The following LRRC4C variants were observed in gnomAD, a reference collection of about 807,000 sequenced individuals.
LRRC4C encodes leucine-rich repeat-containing protein 4C.
In LRRC4C, 5 loss-of-function variants were observed where a neutral mutation model predicts 33.6. That is an observed-to-expected ratio of 0.15 (90% CI 0.08 to 0.31). LRRC4C has a LOEUF of 0.31. LRRC4C is among the 10% of genes least tolerant of loss of function. The probability of loss-of-function intolerance (pLI) is 1.00; values close to 1 mark genes in which losing one functional copy is unlikely to be tolerated. For missense variants in LRRC4C, 560 were observed against 796.7 expected (o/e 0.70, Z 3.58); for synonymous variants, 329 against 302.0 (o/e 1.09, Z -0.93).
At chr11:40,280,936 C>A (rs1231859582) in intron 4 of LRRC4C, among the ~76,000 whole-genome samples, 4 of 151,934 alleles carry the variant, frequency 2.6e-5, no homozygotes, top group African/African-American at 9.7e-5. Context: ...TAAAAGCGAC[C>A]TTTTGGAGTT....
chr11:40,845,423 A>G (rs761963143), intron 2 of LRRC4C, among the ~76,000 whole-genome samples: 1 of 152,080 alleles, frequency 6.6e-6, no homozygotes, highest in Non-Finnish European at 1.5e-5. Flanking sequence ...AGAACTTCCA[A>G]TGCGGAGGTT....
Position 40,458,469 on chromosome 11 carries a change from A to G in LRRC4C, c.-269-138748T>C, listed in dbSNP as rs796247206. Among the ~76,000 whole-genome samples the G allele has an allele frequency of 5.1e-4, 77 of 152,278 alleles. 1 individual carries two copies. The highest frequency in any genetic ancestry group is 1.8e-3 in the African/African-American group (73 of 41,550). ...CTCTTAAATCTGTCTTTCAAACATCATAAAATACTAATTCTTGTATTCTTG... is the reference window on the plus strand; with the variant it reads ...CTCTTAAATCTGTCTTTCAAACATCGTAAAATACTAATTCTTGTATTCTTG... On this transcript the variant is annotated intron_variant, in intron 3 of 6. Coordinates refer to ENST00000528697, the MANE Select transcript of LRRC4C (RefSeq NM_001258419.2).
intron 1 of LRRC4C, among the ~76,000 whole-genome samples, chr11:41,238,593 C>T (rs1031160860): frequency 6.6e-5 from 10 of 152,148 alleles, no homozygotes; most frequent in African/African-American, 2.4e-4. Context: ...GGCACAGATC[C>T]TCCTTTGCTT....
chr11:41,326,236 A>G (rs1951113930), intron 1 of LRRC4C, among the ~76,000 whole-genome samples: 1 of 152,166 alleles, frequency 6.6e-6, no homozygotes, highest in Admixed American at 6.5e-5. Flanking sequence ...ATTGCTGGAT[A>G]CTTCGTGCCC....
chr11:40,199,263 G>A (rs1862512663), intron 5 of LRRC4C, among the ~76,000 whole-genome samples: 1 of 152,076 alleles, frequency 6.6e-6, no homozygotes. Flanking sequence ...TAGAGACACG[G>A]TTTCACAATG....
chr11:40,176,539 CT>C (rs529167473), intron 5 of LRRC4C, among the ~76,000 whole-genome samples: 6,193 of 138,692 alleles, frequency 0.045, 330 homozygotes, highest in African/African-American at 0.14. Flanking sequence ...TTTTTCCACT[CT>C]TTTTTTTTTT....
chr11:40,236,775 A>ACAGTAGACT (rs1865593885), intron 5 of LRRC4C, among the ~76,000 whole-genome samples: 1 of 152,206 alleles, frequency 6.6e-6, no homozygotes, highest in African/African-American at 2.4e-5. Flanking sequence ...AGCAAGGCCC[A>ACAGTAGACT]CAGTAGACTC....
intron 1 of LRRC4C, among the ~76,000 whole-genome samples, chr11:41,351,598 G>T (rs1266783714): frequency 6.6e-6 from 1 of 152,046 alleles, no homozygotes; most frequent in Non-Finnish European, 1.5e-5. Flanking sequence ...TAGAGAAAAG[G>T]GGCAGGTCAC....
rs144189094 is a variant in LRRC4C at position 40,859,266 on chromosome 11, A to T, written c.-407+74369T>A. 2.4e-3 allele frequency among the ~76,000 whole-genome samples: 358 copies of T among 152,240 alleles called. 3 individuals carry two copies. Among genetic ancestry groups the T allele is most frequent in the African/African-American group, 7.8e-3 (326 of 41,548 alleles). On this transcript the variant is annotated intron_variant, in intron 2 of 6. Coordinates refer to ENST00000528697, the MANE Select transcript of LRRC4C (RefSeq NM_001258419.2). Reference sequence around the variant, plus strand: ...TCTACCACTGAGTAACTCAGAAAGCAAGGTCAGATAATGTATACTTTCAGT... The same window carrying T: ...TCTACCACTGAGTAACTCAGAAAGCTAGGTCAGATAATGTATACTTTCAGT...
Position 40,747,917 on chromosome 11 carries a change from G to A in LRRC4C, c.-406-99639C>T, listed in dbSNP as rs150437979. Among the ~76,000 whole-genome samples the A allele has an allele frequency of 2.8e-3, 429 of 152,196 alleles. 4 individuals carry two copies. The highest frequency in any genetic ancestry group is 8.7e-3 in the African/African-American group (360 of 41,552). On this transcript the variant is annotated intron_variant, in intron 2 of 6. Transcript: ENST00000528697. Reference sequence around the variant, plus strand: ...TTTGTGACATACAAAACATCATAAAGTGACCAAATCTTTAAATTATCAGAG... The same window carrying A: ...TTTGTGACATACAAAACATCATAAAATGACCAAATCTTTAAATTATCAGAG...
chr11:40,497,052 T>C (rs961929864), intron 3 of LRRC4C, among the ~76,000 whole-genome samples: 1 of 152,054 alleles, frequency 6.6e-6, no homozygotes, highest in Non-Finnish European at 1.5e-5. Flanking sequence ...GTTTTGAAAA[T>C]AGCAGGGGAG....
intron 3 of LRRC4C, among the ~76,000 whole-genome samples, chr11:40,584,027 G>A (rs1273018089): frequency 1.3e-5 from 2 of 151,348 alleles, no homozygotes; most frequent in African/African-American, 2.4e-5. Flanking sequence ...AAAGAGATCA[G>A]GGACGGAAGA....
At chr11:40,770,337 A>C (rs901820708) in intron 2 of LRRC4C, among the ~76,000 whole-genome samples, 1 of 152,150 alleles carries the variant, frequency 6.6e-6, no homozygotes, top group African/African-American at 2.4e-5. Flanking sequence ...GTGAGAACTC[A>C]CTATTGTAAT....
At chr11:41,178,973 T>C (rs1275600850) in intron 1 of LRRC4C, among the ~76,000 whole-genome samples, 1 of 152,164 alleles carries the variant, frequency 6.6e-6, no homozygotes, top group East Asian at 1.9e-4. Flanking sequence ...AGTGCTGGGA[T>C]TACAAGCCTG....
intron 2 of LRRC4C, among the ~76,000 whole-genome samples, chr11:40,868,218 G>A (rs1180455583): frequency 6.6e-6 from 1 of 152,128 alleles, no homozygotes; most frequent in African/African-American, 2.4e-5. Context: ...AAGGGATAAA[G>A]CCTCGCTGAG....
At chr11:40,469,337 G>A (rs1952810237) in intron 3 of LRRC4C, among the ~76,000 whole-genome samples, 1 of 152,164 alleles carries the variant, frequency 6.6e-6, no homozygotes, top group African/African-American at 2.4e-5. Context: ...GTGAGGAATG[G>A]TGATATCCGG....
chr11:40,396,464 T>C (rs1949544989), intron 3 of LRRC4C, among the ~76,000 whole-genome samples: 1 of 152,138 alleles, frequency 6.6e-6, no homozygotes, highest in Admixed American at 6.6e-5. Flanking sequence ...CTACCCTTAC[T>C]CTACCTTCAG....
At chr11:40,459,656 A>G (rs1373491999) in intron 3 of LRRC4C, among the ~76,000 whole-genome samples, 1 of 152,190 alleles carries the variant, frequency 6.6e-6, no homozygotes, top group Non-Finnish European at 1.5e-5. Flanking sequence ...CGGAGCAGAT[A>G]CATTAGAGAC....
chr11:40,993,701 C>T (rs982474771), intron 1 of LRRC4C, among the ~76,000 whole-genome samples: 1 of 151,816 alleles, frequency 6.6e-6, no homozygotes, highest in Non-Finnish European at 1.5e-5. Flanking sequence ...GAATATCAGA[C>T]AGAAAAACAT....
Sources: gnomAD v4.1 joint callset for allele counts (sites outside exome capture counted in the v4.1 genomes callset) on GRCh38, gnomAD v4.1.1 for gene constraint, MANE v1.5 for transcripts, NCBI Gene and HGNC (gene_info 2026-07-23, HGNC 2026-07-21) for gene names.